FRY: variants seen among roughly 807,000 people sequenced by gnomAD.
The protein encoded by FRY is FRY microtubule binding protein.
Under a neutral mutation model 348.4 loss-of-function variants are expected in FRY, and 128 were observed. The observed-to-expected ratio is 0.37, with a 90% confidence interval of 0.32 to 0.43. The LOEUF is 0.43. Among genes scored for constraint, FRY ranks in the 20% least tolerant of loss-of-function variants. The probability of loss-of-function intolerance (pLI) is 1.00; values close to 1 mark genes in which losing one functional copy is unlikely to be tolerated. For synonymous variants in FRY, 1,370 were observed against 1,374.7 expected, an observed-to-expected ratio of 1.00 and a Z score of 0.08; for missense variants, 2,736 against 3,695.2, an observed-to-expected ratio of 0.74 and a Z score of 6.73.
rs147965551 is a variant in FRY at position 32,158,658 on chromosome 13, C to G, written c.1784+1253C>G. 0.014 allele frequency among the ~76,000 whole-genome samples: 2,155 copies of G among 152,204 alleles called. 108 individuals carry two copies. In the East Asian group the frequency reaches 0.15, roughly 10 times the overall value. On this transcript the variant is annotated intron_variant, in intron 16 of 60. Coordinates refer to ENST00000542859, the MANE Select transcript of FRY (RefSeq NM_023037.3). Reference sequence around the variant, plus strand: ...TTACGCCAGGCATGGTGGCTCACACCTGTAATCCCAGCACTTTGGGAGGCC... The same window carrying G: ...TTACGCCAGGCATGGTGGCTCACACGTGTAATCCCAGCACTTTGGGAGGCC...
At chr13:32,208,319 A>G (rs1336163100) in intron 31 of FRY, among the ~76,000 whole-genome samples, 2 of 152,262 alleles carry the variant, frequency 1.3e-5, no homozygotes, top group Non-Finnish European at 2.9e-5. Context: ...GCCTGATCCT[A>G]ACCACAATTT....
At position 32,124,889 on chromosome 13, in the gene FRY, A is replaced by G; in HGVS notation, c.716+14A>G. 3 of 1,573,680 alleles carry G rather than the reference A, an allele frequency of 1.9e-6. No homozygotes were observed. The highest frequency in any genetic ancestry group is 2.6e-6 in the Non-Finnish European group (3 of 1,143,056). On this transcript the variant is annotated intron_variant, in intron 7 of 60. Transcript: ENST00000542859. ...GGCACAAGCCAAGTAAGTGAATGCCAGAACCCTTTACCATGAGAACGTGCG... is the reference window on the plus strand; with the variant it reads ...GGCACAAGCCAAGTAAGTGAATGCCGGAACCCTTTACCATGAGAACGTGCG...
intron 25 of FRY, 132 bp downstream of exon 25, chr13:32,184,823 G>A (rs1179020053): frequency 1.2e-4 from 123 of 998,924 alleles, no homozygotes; most frequent in Middle Eastern, 2.8e-4. Context: ...CCAAAAACTC[G>A]CTTTTTCTTT....
chr13:32,178,092 A>G, intron 20 of FRY, 85 bp from the exon 21 acceptor site: 1 of 1,437,534 alleles, frequency 7.0e-7, no homozygotes, highest in Non-Finnish European at 9.8e-7. Context: ...AGCACTGTGC[A>G]AGAATGAGTA....
chr13:32,158,483 G>T (rs1881246353), intron 16 of FRY, among the ~76,000 whole-genome samples: 1 of 152,134 alleles, frequency 6.6e-6, no homozygotes, highest in South Asian at 2.1e-4. Context: ...TATTGACCAA[G>T]ATTAATAACG....
chr13:32,216,370 AAGG>A (rs1884987432), intron 35 of FRY, among the ~76,000 whole-genome samples: 3 of 152,314 alleles, frequency 2.0e-5, no homozygotes, highest in South Asian at 2.1e-4. Flanking sequence ...TCTCCAGAAC[AAGG>A]AGAACAGTCT....
chr13:32,208,635 A>G (rs1884496635), intron 31 of FRY, among the ~76,000 whole-genome samples: 1 of 152,176 alleles, frequency 6.6e-6, no homozygotes, highest in Non-Finnish European at 1.5e-5. Context: ...TGCTTGCCCC[A>G]CAGTGCTATA....
intron 28 of FRY, among the ~76,000 whole-genome samples, chr13:32,193,656 G>GCTCACTGCAAC (rs2138294965): frequency 7.0e-6 from 1 of 142,968 alleles, no homozygotes; most frequent in South Asian, 2.2e-4. Flanking sequence ...CACGATCTCA[G>GCTCACTGCAAC]CTCACTGCAA....
intron 51 of FRY, among the ~76,000 whole-genome samples, chr13:32,256,223 C>A (rs77617526): frequency 0.02 from 3,041 of 152,030 alleles, 101 homozygotes; most frequent in African/African-American, 0.063. Flanking sequence ...ATTATTTTAT[C>A]TTTCATTGTT....
Position 32,247,455 on chromosome 13 carries a change from A to G in FRY, c.6961A>G (p.Lys2321Glu). The change falls in exon 48 of 61, where the codon AAG (lysine) becomes GAG (glutamate). Residue 2321 changes from lysine (K) to glutamate (E), a missense_variant. Physicochemically the swap from Lys to Glu is moderately conservative, Grantham distance 56. Transcript: ENST00000542859. ...ACATCGAGTGTGGACTAGTGCTTCC[A>G]AGGAATTACCTGGGAAAACCCTGGA... ...EIHRVWTSAS[K>E]ELPGKTLDFH... The G allele has an allele frequency of 6.2e-7, 1 of 1,613,352 alleles. No homozygotes were observed. Among genetic ancestry groups the G allele is most frequent in the African/African-American group, 1.3e-5 (1 of 75,036 alleles).
chr13:32,155,645 A>C lies in FRY; in HGVS notation c.1634A>C (p.Glu545Ala). 6.2e-7 allele frequency: 1 copy of C among 1,612,904 alleles called. No homozygotes were observed. Among genetic ancestry groups the C allele is most frequent in the Non-Finnish European group, 8.5e-7 (1 of 1,179,384 alleles). The change falls in exon 15 of 61, where the codon GAG becomes GCG. Residue 545 changes from glutamate (E) to alanine (A), a missense_variant. Transcript: ENST00000542859. The part of the protein sequence containing the change: ...KTYLSKTLTE[E>A]EAKMIGMSLY... ...TATTTGAGTAAAACACTAACTGAAG[A>C]GGAAGCCAAAATGATAGGTGAGTTT... is the stretch of plus-strand genomic sequence containing the variant.
At chr13:32,149,059 A>C (rs1880636449) in intron 13 of FRY, among the ~76,000 whole-genome samples, 1 of 148,676 alleles carries the variant, frequency 6.7e-6, no homozygotes, top group Non-Finnish European at 1.5e-5. Flanking sequence ...ATACACACAG[A>C]TACCTGATAT....
chr13:32,184,059 G>T, intron 24 of FRY, among the ~76,000 whole-genome samples: 1 of 151,826 alleles, frequency 6.6e-6, no homozygotes, highest in East Asian at 1.9e-4. Flanking sequence ...CACGCCTGTA[G>T]TCCCAGCTAC....
chr13:32,209,117 C>G lies in FRY; in HGVS notation c.4275+8C>G. 1.9e-6 allele frequency: 3 copies of G among 1,613,940 alleles called. No homozygotes were observed. Among genetic ancestry groups the G allele is most frequent in the Non-Finnish European group, 2.5e-6 (3 of 1,180,014 alleles). Reference sequence around the variant, plus strand: ...ATGTACATGACGGCCAAGGTAAACTCAGAGGAATTGTGCTTCAAATAGCAT... The same window carrying G: ...ATGTACATGACGGCCAAGGTAAACTGAGAGGAATTGTGCTTCAAATAGCAT... On this transcript the variant is annotated splice_region_variant and intron_variant, in intron 32 of 60. Transcript: ENST00000542859.
At chr13:32,110,814 C>T (rs539791825) in intron 3 of FRY, among the ~76,000 whole-genome samples, 1 of 152,242 alleles carries the variant, frequency 6.6e-6, no homozygotes, top group South Asian at 2.1e-4. Context: ...TTAAAACAGT[C>T]TCATACAGTA....
rs1446029708 is a variant in FRY at position 32,265,530 on chromosome 13, T to G, written c.7860T>G (p.Ala2620=). The G allele has an allele frequency of 6.2e-7, 1 of 1,614,208 alleles. No individual in the cohort carries two copies. The highest frequency in any genetic ancestry group is 8.5e-7 in the Non-Finnish European group (1 of 1,180,010). The part of the protein sequence containing the change: ...LSSSINELPA[A]FECSDSFSLD... ...GTTCCATCAATGAACTCCCAGCAGCTTTTGAATGCAGCGACAGCTTTAGCC... is the reference window on the plus strand; with the variant it reads ...GTTCCATCAATGAACTCCCAGCAGCGTTTGAATGCAGCGACAGCTTTAGCC... Residue 2620 remains alanine, a synonymous_variant, in exon 54 of 61, where the codon GCT becomes GCG. Coordinates refer to ENST00000542859, the MANE Select transcript of FRY (RefSeq NM_023037.3).
intron 1 of FRY, among the ~76,000 whole-genome samples, chr13:32,077,012 G>A (rs1260327636): frequency 1.3e-5 from 2 of 152,222 alleles, no homozygotes; most frequent in African/African-American, 2.4e-5. Flanking sequence ...GCCTAGTGGA[G>A]GTAGGTGTTA....
At position 32,128,473 on chromosome 13, in the gene FRY, G is replaced by A. The variant is rs183563342; in HGVS notation, c.717-3199G>A. Among the ~76,000 whole-genome samples the A allele has an allele frequency of 3.3e-5, 5 of 152,292 alleles. No individual in the cohort carries two copies. The East Asian group carries it at 5.8e-4, about 18-fold the overall frequency. On this transcript the variant is annotated intron_variant, in intron 7 of 60. Transcript: ENST00000542859. ...TACTATTGTGATTCACATGGCTCAT[G>A]GTCAGTGCTACCTTGTTTTATCTTC...
At chr13:32,166,533 T>C (rs1881747265) in intron 17 of FRY, among the ~76,000 whole-genome samples, 1 of 152,220 alleles carries the variant, frequency 6.6e-6, no homozygotes, top group Non-Finnish European at 1.5e-5. Context: ...CCCTTTTAGA[T>C]AGCTATTTTT....
Sources: gnomAD v4.1 joint callset for allele counts (sites outside exome capture counted in the v4.1 genomes callset) on GRCh38, gnomAD v4.1.1 for gene constraint, MANE v1.5 for transcripts, NCBI Gene and HGNC (gene_info 2026-07-23, HGNC 2026-07-21) for gene names.